Variants in PTPRD observed in about 807,000 individuals in gnomAD.
PTPRD encodes receptor-type tyrosine-protein phosphatase delta.
Under a neutral mutation model 214.5 loss-of-function variants are expected in PTPRD, and 34 were observed. The observed-to-expected ratio is 0.16, with a 90% CI of 0.12 to 0.21. PTPRD has a LOEUF of 0.21. PTPRD is among the 10% of genes least tolerant of loss of function. PTPRD has a pLI of 1.00. For missense variants in PTPRD, 2,545 were observed against 2,398.7 expected, an observed-to-expected ratio of 1.06 and a Z score of -1.27; for synonymous variants, 1,128 against 845.7, an observed-to-expected ratio of 1.33 and a Z score of -5.79.
At chr9:10,101,806 G>A (rs1269402694) in intron 3 of PTPRD, among the ~76,000 whole-genome samples, 1 of 151,722 alleles carries the variant, frequency 6.6e-6, no homozygotes, top group Non-Finnish European at 1.5e-5. Context: ...CACAGCTGCG[G>A]TATATTAGAG....
At chr9:9,921,636 T>A (rs895494105) in intron 5 of PTPRD, among the ~76,000 whole-genome samples, 1 of 109,040 alleles carries the variant, frequency 9.2e-6, no homozygotes, top group Admixed American at 8.2e-5. Context: ...AAAGCCCTGA[T>A]TTTTTTTTTT....
intron 8 of PTPRD, among the ~76,000 whole-genome samples, chr9:9,467,589 A>AAAAAAATAAT (rs2094292968): frequency 1.8e-5 from 1 of 55,390 alleles, no homozygotes; most frequent in African/African-American, 1.1e-4. Context: ...TCCATCTCCC[A>AAAAAAATAAT]AAAAAAAAAA....
chr9:8,653,597 G>C (rs941827774), intron 12 of PTPRD, among the ~76,000 whole-genome samples: 1 of 152,034 alleles, frequency 6.6e-6, no homozygotes, highest in Non-Finnish European at 1.5e-5. Flanking sequence ...GTAAGGGCTA[G>C]TACCGTTGCA....
In PTPRD at chr9:9,674,024, T is replaced by A. The variant is rs528766896; in HGVS notation, c.-287+60509A>T. 4.0e-5 allele frequency among the ~76,000 whole-genome samples: 6 copies of A among 151,834 alleles called. No individual in the cohort carries two copies. In the South Asian group the frequency reaches 1.2e-3, roughly 31 times the overall value. On this transcript the variant is annotated intron_variant, in intron 7 of 45. Transcript: ENST00000381196. ...TTTAGTCTCCCAGATCTTGTTGGAGTAACAGCTACAGGAGGAAGAGAGAAA... is the reference window on the plus strand; with the variant it reads ...TTTAGTCTCCCAGATCTTGTTGGAGAAACAGCTACAGGAGGAAGAGAGAAA...
At chr9:10,356,755 C>T (rs541681647) in intron 2 of PTPRD, among the ~76,000 whole-genome samples, 1 of 152,110 alleles carries the variant, frequency 6.6e-6, no homozygotes, top group African/African-American at 2.4e-5. Flanking sequence ...TTTCAGCTTA[C>T]AGAAACCTCT....
intron 39 of PTPRD, among the ~76,000 whole-genome samples, chr9:8,370,227 CACACACACACATAT>C (rs1323201714): frequency 1.7e-3 from 59 of 34,998 alleles, no homozygotes; most frequent in Non-Finnish European, 9.6e-3. Flanking sequence ...CACACACACA[CACACACACACATAT>C]ATATATATGT....
At chr9:8,896,260 A>G (rs1228916407) in intron 11 of PTPRD, among the ~76,000 whole-genome samples, 2 of 152,216 alleles carry the variant, frequency 1.3e-5, no homozygotes, top group African/African-American at 2.4e-5. Flanking sequence ...CTGTTAATTG[A>G]ACTACTTTCT....
At chr9:8,537,542 T>C (rs2077251935) in intron 14 of PTPRD, among the ~76,000 whole-genome samples, 1 of 152,052 alleles carries the variant, frequency 6.6e-6, no homozygotes, top group Admixed American at 6.6e-5. Flanking sequence ...CAGAGTAGAT[T>C]TAGGTATCTC....
At chr9:9,159,578 A>G (rs2099884546) in intron 10 of PTPRD, among the ~76,000 whole-genome samples, 1 of 152,208 alleles carries the variant, frequency 6.6e-6, no homozygotes. Context: ...CAGTAGAATA[A>G]TATCCTGTGT....
At chr9:10,296,079 G>A (rs184926006) in intron 3 of PTPRD, among the ~76,000 whole-genome samples, 25 of 152,172 alleles carry the variant, frequency 1.6e-4, no homozygotes, top group Admixed American at 6.6e-4. Context: ...ATGAACCACA[G>A]ATGGGAGAAA....
chr9:9,049,042 C>G (rs2099679323), intron 10 of PTPRD, among the ~76,000 whole-genome samples: 1 of 152,200 alleles, frequency 6.6e-6, no homozygotes, highest in Non-Finnish European at 1.5e-5. Flanking sequence ...CAGGCCAGCA[C>G]TTGCCATCCC....
intron 12 of PTPRD, among the ~76,000 whole-genome samples, chr9:8,710,943 G>A (rs2098321084): frequency 6.6e-6 from 1 of 151,956 alleles, no homozygotes; most frequent in African/African-American, 2.4e-5. Context: ...AAAATATATT[G>A]CTTTCAAGTA....
intron 2 of PTPRD, among the ~76,000 whole-genome samples, chr9:10,395,396 G>A (rs985059830): frequency 6.6e-6 from 1 of 151,444 alleles, no homozygotes; most frequent in African/African-American, 2.4e-5. Flanking sequence ...ATGATGGTTT[G>A]CAGCTTCATC....
At chr9:8,568,124 A>C (rs538443609) in intron 14 of PTPRD, among the ~76,000 whole-genome samples, 1 of 152,278 alleles carries the variant, frequency 6.6e-6, no homozygotes, top group South Asian at 2.1e-4. Context: ...ATTAATCATT[A>C]ATAATAATTT....
chr9:9,972,275 C>T (rs1380461840), intron 4 of PTPRD, among the ~76,000 whole-genome samples: 3 of 152,152 alleles, frequency 2.0e-5, no homozygotes, highest in African/African-American at 7.2e-5. Flanking sequence ...ACATTTCCTC[C>T]TTACCTCTGT....
At chr9:9,524,950 C>T (rs1221155068) in intron 8 of PTPRD, among the ~76,000 whole-genome samples, 4 of 152,108 alleles carry the variant, frequency 2.6e-5, no homozygotes, top group Non-Finnish European at 4.4e-5. Flanking sequence ...CTCCGCCTTC[C>T]AGGTTCACGC....
intron 8 of PTPRD, among the ~76,000 whole-genome samples, chr9:9,539,367 G>A (rs628077): frequency 2.6e-5 from 4 of 151,580 alleles, no homozygotes; most frequent in Non-Finnish European, 4.4e-5. Flanking sequence ...GAAAGACATC[G>A]TGATAATATG....
At chr9:9,576,851 G>A (rs1040139784) in intron 7 of PTPRD, among the ~76,000 whole-genome samples, 13 of 152,030 alleles carry the variant, frequency 8.6e-5, no homozygotes, top group African/African-American at 3.1e-4. Context: ...CAGGCACTGT[G>A]TTGCATATTT....
At chr9:9,200,860 G>T (rs1443597126) in intron 9 of PTPRD, among the ~76,000 whole-genome samples, 1 of 152,152 alleles carries the variant, frequency 6.6e-6, no homozygotes, top group East Asian at 1.9e-4. Flanking sequence ...AACCATCATT[G>T]ATTACATTTC....
Sources: gnomAD v4.1 joint callset for allele counts (sites outside exome capture counted in the v4.1 genomes callset) on GRCh38, gnomAD v4.1.1 for gene constraint, MANE v1.5 for transcripts, NCBI Gene and HGNC (gene_info 2026-07-23, HGNC 2026-07-21) for gene names.